Variants in SRPK2 observed in about 807,000 individuals in gnomAD.
SRPK2 encodes SFRS protein kinase 2.
In SRPK2, 21 loss-of-function variants were observed where a neutral mutation model predicts 90.8. That is an observed-to-expected ratio of 0.23 (90% CI 0.16 to 0.33). The LOEUF is 0.33. SRPK2 is among the 10% of genes least tolerant of loss of function. The probability of loss-of-function intolerance (pLI) is 1.00; values close to 1 mark genes in which losing one functional copy is unlikely to be tolerated. For synonymous variants in SRPK2, 288 were observed against 311.1 expected (o/e 0.93, Z 0.78); for missense variants, 620 against 869.0 (o/e 0.71, Z 3.60).
chr7:105,220,527 A>G (rs184758921), intron 2 of SRPK2, among the ~76,000 whole-genome samples: 98 of 152,342 alleles, frequency 6.4e-4, no homozygotes, highest in African/African-American at 2.3e-3. Context: ...TCCATCTCAA[A>G]AAAGAAAAAA....
At chr7:105,217,431 T>C (rs984100981) in intron 2 of SRPK2, among the ~76,000 whole-genome samples, 6 of 152,182 alleles carry the variant, frequency 3.9e-5, no homozygotes, top group Non-Finnish European at 8.8e-5. Flanking sequence ...AATTATTCTC[T>C]CTTGCATTCA....
At position 105,168,745 on chromosome 7, in the gene SRPK2, A is replaced by ATGTGTGTGTGTGTGTGTGTGTGTGTGTG. The variant is rs58073613; in HGVS notation, c.338+384_338+411dup. On this transcript the variant is annotated intron_variant, in intron 4 of 15. Transcript: ENST00000393651. Reference sequence around the variant, plus strand: ...ACACACACACACACACACGCACCAAATGTGTGTGTGTGTGTGTGTGTGTGT... The same window carrying ATGTGTGTGTGTGTGTGTGTGTGTGTGTG: ...ACACACACACACACACACGCACCAAATGTGTGTGTGTGTGTGTGTGTGTGTGTGTGTGTGTGTGTGTGTGTGTGTGTGT... Among the ~76,000 whole-genome samples, 853 of 104,052 alleles carry ATGTGTGTGTGTGTGTGTGTGTGTGTGTG rather than the reference A, an allele frequency of 8.2e-3. 52 individuals are homozygous for ATGTGTGTGTGTGTGTGTGTGTGTGTGTG. Among genetic ancestry groups the ATGTGTGTGTGTGTGTGTGTGTGTGTGTG allele is most frequent in the Non-Finnish European group, 0.011 (548 of 47,674 alleles). 68.3% of individuals were successfully genotyped at this position (104,052 alleles called of 152,430 possible). A position where few individuals can be genotyped will look rare whatever the true frequency, so the allele number is the denominator to read the frequency against.
intron 2 of SRPK2, among the ~76,000 whole-genome samples, chr7:105,323,993 G>GTGTA (rs1554509945): frequency 1.1e-3 from 143 of 131,810 alleles, no homozygotes; most frequent in South Asian, 1.6e-3. Context: ...GTGTGTGTGT[G>GTGTA]TGTGTGTGTG....
intron 11 of SRPK2, among the ~76,000 whole-genome samples, chr7:105,138,734 G>A (rs1233424096): frequency 6.6e-6 from 1 of 152,164 alleles, no homozygotes; most frequent in African/African-American, 2.4e-5. Flanking sequence ...AGAAAGCAGA[G>A]GTTGCAGTGA....
intron 2 of SRPK2, among the ~76,000 whole-genome samples, chr7:105,299,187 C>A (rs1810223393): frequency 6.6e-6 from 1 of 152,226 alleles, no homozygotes; most frequent in Non-Finnish European, 1.5e-5. Context: ...GGTGGGGCCA[C>A]ACAGTCTCAC....
chr7:105,185,853 A>C (rs1417554893), intron 3 of SRPK2, among the ~76,000 whole-genome samples: 1 of 152,230 alleles, frequency 6.6e-6, no homozygotes, highest in Non-Finnish European at 1.5e-5. Context: ...CAATTTAGAC[A>C]TACTTAGTAG....
At chr7:105,331,325 A>AAAAC (rs1271889992) in intron 2 of SRPK2, among the ~76,000 whole-genome samples, 5 of 134,458 alleles carry the variant, frequency 3.7e-5, no homozygotes, top group Admixed American at 8.1e-5. Context: ...AAAAAAAAAA[A>AAAAC]AAAAAAAAAA....
At chr7:105,361,426 T>A (rs1398411026) in intron 2 of SRPK2, among the ~76,000 whole-genome samples, 2 of 152,080 alleles carry the variant, frequency 1.3e-5, no homozygotes, top group African/African-American at 2.4e-5. Flanking sequence ...TTCAATGCCA[T>A]CCCCATCAAG....
At chr7:105,279,449 A>C (rs1356539078) in intron 2 of SRPK2, among the ~76,000 whole-genome samples, 1 of 152,208 alleles carries the variant, frequency 6.6e-6, no homozygotes, top group Non-Finnish European at 1.5e-5. Flanking sequence ...AGTTCTGGCA[A>C]GAAAAGTGAG....
At chr7:105,391,268 C>T (rs985308549), upstream of SRPK2, among the ~76,000 whole-genome samples, 3 of 152,090 alleles carry the variant, frequency 2.0e-5, no homozygotes, top group South Asian at 2.1e-4. Flanking sequence ...TGCAATGGCA[C>T]GATCTCAGCT....
intron 2 of SRPK2, among the ~76,000 whole-genome samples, chr7:105,309,834 G>T (rs1271332816): frequency 1.3e-5 from 2 of 152,170 alleles, no homozygotes; most frequent in African/African-American, 4.8e-5. Flanking sequence ...GACAGATACT[G>T]GTGCCAACCC....
chr7:105,177,946 G>A (rs889948484), intron 3 of SRPK2, among the ~76,000 whole-genome samples: 5 of 151,088 alleles, frequency 3.3e-5, no homozygotes, highest in Admixed American at 1.3e-4. Context: ...GGAGAACGGC[G>A]TGAACCCGGA....
chr7:105,241,685 T>C (rs956943945), intron 2 of SRPK2, among the ~76,000 whole-genome samples: 1 of 152,178 alleles, frequency 6.6e-6, no homozygotes, highest in Non-Finnish European at 1.5e-5. Context: ...AAATCTATCA[T>C]CACGCAACAA....
chr7:105,296,918 A>G (rs1809894497), intron 2 of SRPK2, among the ~76,000 whole-genome samples: 2 of 152,214 alleles, frequency 1.3e-5, no homozygotes, highest in South Asian at 4.1e-4. Context: ...GCAAATGGTA[A>G]AGCTGGAAAA....
intron 2 of SRPK2, among the ~76,000 whole-genome samples, chr7:105,320,606 G>A (rs1013158418): frequency 6.6e-6 from 1 of 152,156 alleles, no homozygotes; most frequent in Non-Finnish European, 1.5e-5. Flanking sequence ...TAGCCATTTA[G>A]TTTCAAAGTT....
intron 2 of SRPK2, among the ~76,000 whole-genome samples, chr7:105,292,497 CAAAAAAAAAAA>C (rs397889533): frequency 8.0e-5 from 6 of 74,792 alleles, no homozygotes; most frequent in Admixed American, 3.1e-4. Flanking sequence ...GTAAGACTCT[CAAAAAAAAAAA>C]AAAAAAAAAA....
intron 2 of SRPK2, among the ~76,000 whole-genome samples, chr7:105,351,620 T>C (rs542090963): frequency 2.0e-5 from 3 of 151,900 alleles, no homozygotes; most frequent in Non-Finnish European, 4.4e-5. Flanking sequence ...CTTGCCAAAA[T>C]GGTGAAACCC....
At chr7:105,310,006 G>A (rs990796100) in intron 2 of SRPK2, among the ~76,000 whole-genome samples, 1 of 152,210 alleles carries the variant, frequency 6.6e-6, no homozygotes, top group Non-Finnish European at 1.5e-5. Flanking sequence ...CCTCACGCAT[G>A]GGGGAGAAGG....
chr7:105,171,397 A>C (rs1791127908), intron 3 of SRPK2, among the ~76,000 whole-genome samples: 1 of 152,170 alleles, frequency 6.6e-6, no homozygotes, highest in Non-Finnish European at 1.5e-5. Context: ...ACAATATTTT[A>C]CTACTTTTTT....
Sources: allele counts gnomAD v4.1 joint callset (sites outside exome capture counted in the v4.1 genomes callset), GRCh38; gene constraint gnomAD v4.1.1; transcripts MANE v1.5; gene names NCBI Gene and HGNC (gene_info 2026-07-23, HGNC 2026-07-21).